Variants in SETD5 observed in about 807,000 individuals in gnomAD.
SETD5 encodes the protein SET domain containing 5.
SETD5 carries 44 observed loss-of-function variants against 153.3 expected under a neutral mutation model. The observed-to-expected ratio is 0.29, with a 90% CI of 0.23 to 0.37. The LOEUF (loss-of-function observed/expected upper bound fraction) is 0.37, where lower values mean the gene tolerates loss of function less well. Among genes scored for constraint, SETD5 ranks in the 10% least tolerant of loss-of-function variants. The pLI, the probability that SETD5 is intolerant of heterozygous loss-of-function variation, is 1.00. For missense variants in SETD5, 1,544 were observed against 1,768.0 expected, an observed-to-expected ratio of 0.87 and a Z score of 2.27; for synonymous variants, 716 against 645.2, an observed-to-expected ratio of 1.11 and a Z score of -1.66.
At chr3:9,444,566 G>A (rs2125228811) in intron 11 of SETD5, among the ~76,000 whole-genome samples, 1 of 151,982 alleles carries the variant, frequency 6.6e-6, no homozygotes, top group East Asian at 1.9e-4. Flanking sequence ...CCATGGAGTA[G>A]AATTGGGGTT....
intron 1 of SETD5, among the ~76,000 whole-genome samples, chr3:9,419,207 T>G (rs2038010387): frequency 6.6e-6 from 1 of 152,206 alleles, no homozygotes; most frequent in Admixed American, 6.5e-5. Context: ...AGTTTGCAAG[T>G]TGCCTACCCT....
At chr3:9,417,522 A>C (rs3885755) in intron 1 of SETD5, among the ~76,000 whole-genome samples, 1 of 147,952 alleles carries the variant, frequency 6.8e-6, no homozygotes, top group African/African-American at 2.5e-5. Flanking sequence ...GTCTCGCTCT[A>C]TCGCCCAGGC....
At position 9,470,745 on chromosome 3, in the gene SETD5, C is replaced by T. The variant is rs1335595318; in HGVS notation, c.3011C>T (p.Pro1004Leu). The T allele has an allele frequency of 1.9e-6, 3 of 1,613,882 alleles. No homozygotes were observed. In the African/African-American group the frequency reaches 4.0e-5, roughly 22 times the overall value. ...GCAGATGGACTGTATCGAGGATCTC[C>T]TCTAGTGGGGGATAGGAAGCCTTTA... ...PRADGLYRGS[P>L]LVGDRKPLHL... The change falls in exon 19 of 23, where the codon CCT becomes CTT. Residue 1004 changes from proline to leucine, a missense_variant. Pro to Leu is a moderately conservative substitution (Grantham distance 98). This residue lies in a region of SETD5 where 782 missense variants were observed against 787.2 expected (regional missense o/e 0.99). Transcript: ENST00000402198.
At chr3:9,429,304 G>C (rs1041347976) in intron 3 of SETD5, 4 of 222,722 alleles carry the variant, frequency 1.8e-5, no homozygotes, top group African/African-American at 9.2e-5. Context: ...AATAAAGTAG[G>C]TGTTACTACC....
chr3:9,445,859 G>C, intron 13 of SETD5, 119 bp downstream of exon 13: 1 of 546,096 alleles, frequency 1.8e-6, no homozygotes, highest in Non-Finnish European at 2.9e-6. Context: ...GTTATAATTT[G>C]GGCTTTTTCC....
intron 1 of SETD5, among the ~76,000 whole-genome samples, chr3:9,418,825 A>G (rs1358275495): frequency 2.0e-5 from 3 of 152,012 alleles, no homozygotes; most frequent in Middle Eastern, 3.4e-3. Flanking sequence ...AATGTGAATC[A>G]CATACATAAA....
At chr3:9,453,190 A>C (rs955772899) in intron 16 of SETD5, among the ~76,000 whole-genome samples, 1 of 151,762 alleles carries the variant, frequency 6.6e-6, no homozygotes, top group Non-Finnish European at 1.5e-5. Flanking sequence ...TGGAGGGGGG[A>C]GTCCCATAGG....
chr3:9,428,758 A>G, intron 2 of SETD5, 65 bp from the exon 3 acceptor site: 1 of 426,878 alleles, frequency 2.3e-6, no homozygotes, highest in Non-Finnish European at 4.2e-6. Flanking sequence ...CATTTAAGAT[A>G]AACTTGAAGA....
chr3:9,399,511 T>G (rs1055761451), intron 1 of SETD5, among the ~76,000 whole-genome samples: 2 of 151,984 alleles, frequency 1.3e-5, no homozygotes, highest in Non-Finnish European at 2.9e-5. Context: ...TGGCCTGTTA[T>G]GGGATTAGAG....
intron 17 of SETD5, among the ~76,000 whole-genome samples, chr3:9,459,537 G>A (rs557347592): frequency 1.5e-4 from 23 of 151,696 alleles, no homozygotes; most frequent in South Asian, 8.4e-4. Context: ...TTGGGAGGCC[G>A]AGGCAGGCGG....
chr3:9,448,025 C>G lies in SETD5; in HGVS notation c.2103+19C>G, dbSNP rs761217068. On this transcript the variant is annotated intron_variant, in intron 15 of 22. Transcript: ENST00000402198. The stretch of plus-strand genomic sequence containing the variant: ...CAAAAAGGTAAGTCACAAATGCATC[C>G]TTTATAAGTCCAGTCTGGCAAGGGC... 2 of 1,601,332 alleles carry G rather than the reference C, an allele frequency of 1.2e-6. No individual in the cohort carries two copies. Among genetic ancestry groups the G allele is most frequent in the East Asian group, 2.2e-5 (1 of 44,620 alleles).
At chr3:9,404,464 G>T (rs2035344980) in intron 1 of SETD5, among the ~76,000 whole-genome samples, 1 of 152,112 alleles carries the variant, frequency 6.6e-6, no homozygotes. Context: ...CAGTAAAATA[G>T]CAACAGCATT....
intron 1 of SETD5, among the ~76,000 whole-genome samples, chr3:9,408,099 C>T (rs2036004105): frequency 6.6e-6 from 1 of 152,284 alleles, no homozygotes; most frequent in Non-Finnish European, 1.5e-5. Context: ...TTAGTAATAG[C>T]ACCCGTTTCA....
At position 9,459,164 on chromosome 3, in the gene SETD5, G is replaced by A. The variant is rs79201623; in HGVS notation, c.2477-5261G>A. On this transcript the variant is annotated intron_variant, in intron 17 of 22. Coordinates refer to ENST00000402198, the MANE Select transcript of SETD5 (RefSeq NM_001080517.3). ...GTCAGGTGAACATGGCGGGTGAGAC[G>A]AAACTCTGTAGTCAAATTTGTTCAG... Among the ~76,000 whole-genome samples the A allele has an allele frequency of 3.7e-3, 561 of 152,172 alleles. 17 individuals carry two copies. In the East Asian group the frequency reaches 0.065, roughly 18 times the overall value.
chr3:9,420,065 T>A (rs113728610), intron 1 of SETD5, among the ~76,000 whole-genome samples: 22 of 152,336 alleles, frequency 1.4e-4, no homozygotes, highest in African/African-American at 5.1e-4. Flanking sequence ...TTTGAGGGCA[T>A]CATCTTTATT....
chr3:9,454,003 A>G, intron 17 of SETD5, 135 bp downstream of exon 17: 1 of 1,001,160 alleles, frequency 1.0e-6, no homozygotes, highest in Non-Finnish European at 1.3e-6. Flanking sequence ...CTGTCTTTAC[A>G]GAGGAAGAGA....
Position 9,475,692 on chromosome 3 carries a change from G to C in SETD5, c.3930G>C (p.Ser1310=), listed in dbSNP as rs773543082. 1 of 1,613,812 alleles carries C rather than the reference G, an allele frequency of 6.2e-7. No individual in the cohort carries two copies. The highest frequency in any genetic ancestry group is 8.5e-7 in the Non-Finnish European group (1 of 1,179,846). ...CCGCCCACCCTGTGTCCACAGACTC[G>C]TTGGCCCCATTTACGGGGACACCAG... ...SSPAHPVSTD[S]LAPFTGTPGY... Residue 1310 remains serine, a synonymous_variant, in exon 23 of 23, where the codon TCG becomes TCC. Transcript: ENST00000402198.
chr3:9,466,640 C>T (rs73811489), intron 18 of SETD5, among the ~76,000 whole-genome samples: 1,811 of 152,252 alleles, frequency 0.012, 45 homozygotes, highest in African/African-American at 0.041. Flanking sequence ...TGGCCATACT[C>T]TTTGCTGTAT....
rs1313716277 is a variant in SETD5 at position 9,440,494 on chromosome 3, A to G, written c.606A>G (p.Thr202=). ...PSEAQNLDEN[T]TEGWENRIRL... is the part of the protein sequence containing the mutation. The stretch of plus-strand genomic sequence containing the variant: ...AAGCACAGAATTTAGATGAGAATAC[A>G]ACTGAGGGCTGGGAAAATCGGATAA... Residue 202 remains threonine, a synonymous_variant, in exon 8 of 23, where the codon ACA becomes ACG. Coordinates refer to ENST00000402198, the MANE Select transcript of SETD5 (RefSeq NM_001080517.3). 4 of 1,604,402 alleles carry G rather than the reference A, an allele frequency of 2.5e-6. No individual in the cohort carries two copies. The highest frequency in any genetic ancestry group is 3.4e-6 in the Non-Finnish European group (4 of 1,171,340).
Sources: gnomAD v4.1 joint callset for allele counts (sites outside exome capture counted in the v4.1 genomes callset) on GRCh38, gnomAD v4.1.1 for gene constraint, gnomAD v4.1.1 regional missense constraint, MANE v1.5 for transcripts, NCBI Gene and HGNC (gene_info 2026-07-23, HGNC 2026-07-21) for gene names.